Variants in RSF1 observed in about 807,000 individuals in gnomAD.
RSF1 encodes the protein remodeling and spacing factor 1.
In RSF1, 13 loss-of-function variants were observed where a neutral mutation model predicts 145.2. The ratio of observed to expected loss-of-function variants is 0.09; its 90% CI spans 0.06 to 0.14. The LOEUF is 0.14. RSF1 is among the 10% of genes least tolerant of loss of function. The probability of loss-of-function intolerance (pLI) is 1.00; values close to 1 mark genes in which losing one functional copy is unlikely to be tolerated. For missense variants in RSF1, 1,517 were observed against 1,718.2 expected (o/e 0.88, Z 2.07); for synonymous variants, 577 against 592.6 (o/e 0.97, Z 0.38).
chr11:77,745,664 T>C (rs980897750), intron 3 of RSF1, among the ~76,000 whole-genome samples: 3 of 151,632 alleles, frequency 2.0e-5, no homozygotes, highest in African/African-American at 7.3e-5. Context: ...TAGATTTTCA[T>C]TGATAGCTGG....
At chr11:77,783,135 T>C (rs1028373423) in intron 1 of RSF1, among the ~76,000 whole-genome samples, 2 of 152,224 alleles carry the variant, frequency 1.3e-5, no homozygotes, top group Non-Finnish European at 2.9e-5. Flanking sequence ...TACTATTAAA[T>C]AATATTCTAC....
At chr11:77,780,388 A>G (rs1948390743) in intron 1 of RSF1, among the ~76,000 whole-genome samples, 1 of 152,256 alleles carries the variant, frequency 6.6e-6, no homozygotes, top group South Asian at 2.1e-4. Flanking sequence ...AGGATGTGCA[A>G]TCAACCATTC....
intron 9 of RSF1, among the ~76,000 whole-genome samples, chr11:77,686,025 T>C (rs1959994879): frequency 6.6e-6 from 1 of 152,080 alleles, no homozygotes; most frequent in South Asian, 2.1e-4. Flanking sequence ...CAGCTGAAGA[T>C]AACTAGAGCC....
chr11:77,707,377 A>G (rs1960575566), intron 5 of RSF1, among the ~76,000 whole-genome samples: 1 of 152,220 alleles, frequency 6.6e-6, no homozygotes, highest in Non-Finnish European at 1.5e-5. Context: ...TCTATGAAGC[A>G]TATTTCACCA....
At chr11:77,694,630 T>A (rs1051973592) in intron 7 of RSF1, among the ~76,000 whole-genome samples, 1 of 152,216 alleles carries the variant, frequency 6.6e-6, no homozygotes, top group Non-Finnish European at 1.5e-5. Context: ...TTTAACACCA[T>A]TACCTCATAT....
chr11:77,858,302 C>CTTTTTTTTTTTTTTTTTTT, the RSF1 span, among the ~76,000 whole-genome samples: 2 of 69,358 alleles, frequency 2.9e-5, no homozygotes, highest in African/African-American at 1.2e-4. Context: ...TTAAGCAATT[C>CTTTTTTTTTTTTTTTTTTT]TTTTTTTTTT....
chr11:77,725,518 A>G, intron 5 of RSF1, 27 bp downstream of exon 5: 1 of 1,507,560 alleles, frequency 6.6e-7, no homozygotes, highest in Non-Finnish European at 8.9e-7. Context: ...TACAAAACAA[A>G]GCAAAACAAA....
intron 9 of RSF1, among the ~76,000 whole-genome samples, chr11:77,685,391 G>A (rs767883580): frequency 6.6e-6 from 1 of 152,122 alleles, no homozygotes; most frequent in Non-Finnish European, 1.5e-5. Context: ...TACTTCCCGG[G>A]TTCAAGTGAT....
intron 7 of RSF1, among the ~76,000 whole-genome samples, chr11:77,694,586 T>C (rs1960237394): frequency 6.6e-6 from 1 of 152,234 alleles, no homozygotes; most frequent in Non-Finnish European, 1.5e-5. Flanking sequence ...AGTTTCAAGA[T>C]GGTACAAAGT....
chr11:77,846,638 G>T, the RSF1 span, among the ~76,000 whole-genome samples: 1 of 152,166 alleles, frequency 6.6e-6, no homozygotes. Context: ...CCCGGGAGGT[G>T]GAGGTTGCGG....
the RSF1 span, among the ~76,000 whole-genome samples, chr11:77,862,357 C>T: frequency 3.3e-5 from 5 of 152,170 alleles, no homozygotes; most frequent in Non-Finnish European, 5.9e-5. Flanking sequence ...AGAGGATTGT[C>T]CTAACCCTTG....
chr11:77,839,767 A>G, the RSF1 span, among the ~76,000 whole-genome samples: 1 of 152,136 alleles, frequency 6.6e-6, no homozygotes, highest in Admixed American at 6.6e-5. Flanking sequence ...GGTGCTGAAC[A>G]ATGAGAACAC....
At chr11:77,735,606 A>G (rs1360633536) in intron 4 of RSF1, among the ~76,000 whole-genome samples, 1 of 152,364 alleles carries the variant, frequency 6.6e-6, no homozygotes, top group East Asian at 1.9e-4. Flanking sequence ...AAGAAAAAAC[A>G]AGAAGCTTTT....
At chr11:77,809,309 C>T (rs1948708961) in intron 1 of RSF1, among the ~76,000 whole-genome samples, 1 of 152,128 alleles carries the variant, frequency 6.6e-6, no homozygotes, top group Non-Finnish European at 1.5e-5. Context: ...AACAGTACTA[C>T]TACAGGCATT....
Position 77,764,693 on chromosome 11 carries a change from A to C in RSF1, c.188-4T>G, listed in dbSNP as rs1948208262. The C allele has an allele frequency of 6.5e-7, 1 of 1,529,874 alleles. No homozygotes were observed. Among genetic ancestry groups the C allele is most frequent in the African/African-American group, 1.4e-5 (1 of 72,424 alleles). The allele number at this position is 1,529,874 out of a possible 1,614,324, so 94.8% of individuals were successfully genotyped here. A position where few individuals can be genotyped will look rare whatever the true frequency, so the allele number is the denominator to read the frequency against. ...AGCTCCACCAATTCTTTTGGTACTT[A>C]AAAGAAAGAAAAAAAATATCATTAG... On this transcript the variant is annotated splice_region_variant and splice_polypyrimidine_tract_variant and intron_variant, in intron 1 of 15. Transcript: ENST00000308488.
chr11:77,784,561 T>C (rs1394286934), intron 1 of RSF1, among the ~76,000 whole-genome samples: 2 of 152,196 alleles, frequency 1.3e-5, no homozygotes, highest in Non-Finnish European at 2.9e-5. Context: ...AAATTAAGCT[T>C]GGATGTTGGA....
At chr11:77,815,356 T>C (rs1948771672) in intron 1 of RSF1, among the ~76,000 whole-genome samples, 1 of 152,220 alleles carries the variant, frequency 6.6e-6, no homozygotes, top group Non-Finnish European at 1.5e-5. Flanking sequence ...CTAATACCTT[T>C]TGTGGGATCT....
At chr11:77,684,193 T>C (rs1270779752) in intron 10 of RSF1, among the ~76,000 whole-genome samples, 6 of 152,200 alleles carry the variant, frequency 3.9e-5, no homozygotes, top group Non-Finnish European at 8.8e-5. Context: ...CTCAAGGAAA[T>C]AACTTGACAG....
intron 11 of RSF1, 124 bp from the exon 12 acceptor site, chr11:77,678,277 C>A: frequency 2.1e-6 from 1 of 474,320 alleles, no homozygotes; most frequent in South Asian, 5.1e-5. Context: ...AGTGCAGTGG[C>A]GCCATCTCGG....
Sources: allele counts gnomAD v4.1 joint callset (sites outside exome capture counted in the v4.1 genomes callset), GRCh38; gene constraint gnomAD v4.1.1; transcripts MANE v1.5; gene names NCBI Gene and HGNC (gene_info 2026-07-23, HGNC 2026-07-21).